NDE1: variants seen among roughly 807,000 people sequenced by gnomAD.
NDE1 encodes the protein nuclear distribution protein nudE homolog 1.
Under a neutral mutation model 43.4 loss-of-function variants are expected in NDE1, and 28 were observed. That is an observed-to-expected ratio of 0.65 (90% CI 0.48 to 0.89). The LOEUF (loss-of-function observed/expected upper bound fraction) is 0.89. Among genes scored for constraint, NDE1 ranks in the 40% least tolerant of loss-of-function variants. NDE1 has a pLI of 0.00. For missense variants in NDE1, 441 were observed against 434.1 expected, an observed-to-expected ratio of 1.02 and a Z score of -0.14; for synonymous variants, 184 against 172.0, an observed-to-expected ratio of 1.07 and a Z score of -0.55.
At chr16:15,687,260 T>C (rs1166590787) in intron 4 of NDE1, 115 bp from the exon 5 acceptor site, 2 of 1,592,178 alleles carry the variant, frequency 1.3e-6, no homozygotes, top group Admixed American at 1.7e-5. Context: ...TCTAGGAAGT[T>C]TGGGGCTGGG....
At chr16:15,695,203 C>CTTTTTTTTTTTTTTTTTT (rs71134451) in intron 7 of NDE1, among the ~76,000 whole-genome samples, 16 of 79,686 alleles carry the variant, frequency 2.0e-4, no homozygotes, top group African/African-American at 3.3e-4. Context: ...AAACTGCCAC[C>CTTTTTTTTTTTTTTTTTT]TTTTTTTTTT....
chr16:15,717,416 C>T (rs2040220434), intron 8 of NDE1: 2 of 1,539,566 alleles, frequency 1.3e-6, no homozygotes, highest in Non-Finnish European at 8.9e-7. Flanking sequence ...GAGACCATGC[C>T]TCTTCCTGCC....
chr16:15,698,947 C>T (rs987661701), intron 8 of NDE1, among the ~76,000 whole-genome samples: 6 of 151,352 alleles, frequency 4.0e-5, no homozygotes, highest in Non-Finnish European at 5.9e-5. Flanking sequence ...TGCAGTGGTG[C>T]GACCATAGCT....
At chr16:15,693,426 A>G (rs572660967) in intron 6 of NDE1, among the ~76,000 whole-genome samples, 28 of 152,272 alleles carry the variant, frequency 1.8e-4, no homozygotes, top group African/African-American at 5.1e-4. Flanking sequence ...TAGTTCTTGT[A>G]TCTATCACAG....
Position 15,724,697 on chromosome 16 carries a change from TCTC to T in NDE1, c.*450_*452del. The T allele has an allele frequency of 1.2e-6, 2 of 1,614,164 alleles. No individual in the cohort carries two copies. Among genetic ancestry groups the T allele is most frequent in the Non-Finnish European group, 1.7e-6 (2 of 1,180,010 alleles). On this transcript the variant is annotated 3_prime_UTR_variant, in exon 9 of 9. Transcript: ENST00000396354. ...CGCTCCAGGTTCTGCTTGGCCTCCA[TCTC>T]CTCGTCCAGCTGGTCTTGCAGGCTG... is the stretch of plus-strand genomic sequence containing the variant.
At chr16:15,677,680 C>G in intron 3 of NDE1, 121 bp from the exon 4 acceptor site, 1 of 1,046,434 alleles carries the variant, frequency 9.6e-7, no homozygotes, top group Non-Finnish European at 1.4e-6. Flanking sequence ...AACTCCTGGG[C>G]TCAGGCAGTC....
intron 8 of NDE1, chr16:15,719,126 T>G: frequency 7.8e-7 from 1 of 1,282,006 alleles, no homozygotes; most frequent in South Asian, 1.2e-5. Context: ...AAACTCTGTC[T>G]CGAAAAAATT....
At chr16:15,722,636 A>C (rs1300588839) in intron 8 of NDE1, among the ~76,000 whole-genome samples, 1 of 152,204 alleles carries the variant, frequency 6.6e-6, no homozygotes, top group East Asian at 1.9e-4. Context: ...AGCTGATGGG[A>C]AGAGGAGAAA....
chr16:15,689,342 A>T (rs1339595794), intron 5 of NDE1, among the ~76,000 whole-genome samples: 1 of 152,048 alleles, frequency 6.6e-6, no homozygotes, highest in Non-Finnish European at 1.5e-5. Flanking sequence ...TGAAAATTGT[A>T]AAAATTAGGC....
chr16:15,724,916 G>T lies in NDE1; in HGVS notation c.*665G>T. 3 of 1,614,146 alleles carry T rather than the reference G, an allele frequency of 1.9e-6. No homozygotes were observed. In the South Asian group the frequency reaches 3.3e-5, roughly 18 times the overall value. ...GGTGTCCTGGAGCTGGGAACTGAGG[G>T]ACGCCACGTCCTTGGCCAGCTTAAT... On this transcript the variant is annotated 3_prime_UTR_variant, in exon 9 of 9. Coordinates refer to ENST00000396354, the MANE Select transcript of NDE1 (RefSeq NM_017668.3).
chr16:15,676,978 C>T (rs773775231), intron 3 of NDE1, among the ~76,000 whole-genome samples: 1 of 152,120 alleles, frequency 6.6e-6, no homozygotes, highest in South Asian at 2.1e-4. Flanking sequence ...TGGCTGTGGA[C>T]ACCTTGGGTA....
chr16:15,687,142 T>G, intron 4 of NDE1: 1 of 1,416,586 alleles, frequency 7.1e-7, no homozygotes, highest in Non-Finnish European at 9.3e-7. Context: ...AGCATCTTAT[T>G]TAATCCTCAT....
At chr16:15,712,893 T>TTTTTTTTTTTTTTTTTTTTTTTTTTTG (rs2039896576) in intron 8 of NDE1, 1 of 146,536 alleles carries the variant, frequency 6.8e-6, no homozygotes, top group African/African-American at 2.5e-5. Context: ...TTTTTTTTTT[T>TTTTTTTTTTTTTTTTTTTTTTTTTTTG]TTGAGACCGA....
intron 8 of NDE1, among the ~76,000 whole-genome samples, chr16:15,710,093 C>T (rs1044957826): frequency 6.6e-6 from 1 of 152,206 alleles, no homozygotes; most frequent in Admixed American, 6.5e-5. Flanking sequence ...CAGGACAGAC[C>T]TTCCACCTGC....
intron 8 of NDE1, 126 bp downstream of exon 8, chr16:15,696,986 C>G: frequency 1.3e-6 from 2 of 1,539,522 alleles, no homozygotes; most frequent in Middle Eastern, 2.3e-4. Context: ...CAAACCTTAT[C>G]CTCTCCTCTG....
intron 1 of NDE1, among the ~76,000 whole-genome samples, chr16:15,656,833 A>G (rs1030520161): frequency 6.6e-6 from 1 of 152,094 alleles, no homozygotes; most frequent in Non-Finnish European, 1.5e-5. Flanking sequence ...GAGCCACAGC[A>G]CCCTGCCAGG....
intron 3 of NDE1, among the ~76,000 whole-genome samples, chr16:15,676,336 A>C (rs142913768): frequency 0.021 from 2,992 of 144,674 alleles, 56 homozygotes; most frequent in Non-Finnish European, 0.035. Context: ...CAGCCTTCTG[A>C]GTAGCTGGGA....
intron 6 of NDE1, among the ~76,000 whole-genome samples, chr16:15,693,007 T>C (rs2151127090): frequency 6.6e-6 from 1 of 151,478 alleles, no homozygotes; most frequent in Non-Finnish European, 1.5e-5. Flanking sequence ...TTCTCTCTTT[T>C]TTTTTTTTTT....
intron 1 of NDE1, among the ~76,000 whole-genome samples, chr16:15,662,652 C>T (rs892857348): frequency 2.0e-5 from 3 of 152,116 alleles, no homozygotes; most frequent in Admixed American, 2.0e-4. Context: ...TCTTGGCTCA[C>T]CGCAACCTCT....
Sources: allele counts gnomAD v4.1 joint callset (sites outside exome capture counted in the v4.1 genomes callset), GRCh38; gene constraint gnomAD v4.1.1; transcripts MANE v1.5; gene names NCBI Gene and HGNC (gene_info 2026-07-23, HGNC 2026-07-21).